ARAP2: variants seen among roughly 807,000 people sequenced by gnomAD.
ARAP2 encodes arf-GAP with Rho-GAP domain, ANK repeat and PH domain-containing protein 2.
A neutral mutation model predicts 194.5 loss-of-function variants in ARAP2; 148 were observed. That is an observed-to-expected ratio of 0.76 (90% confidence interval 0.67 to 0.87). ARAP2 has a LOEUF of 0.87. ARAP2 is among the 40% of genes least tolerant of loss of function. The probability of loss-of-function intolerance (pLI) is 0.00; values close to 1 mark genes in which losing one functional copy is unlikely to be tolerated. For missense variants in ARAP2, 2,128 were observed against 1,989.7 expected (o/e 1.07, Z -1.32); for synonymous variants, 695 against 683.5 (o/e 1.02, Z -0.26).
At chr4:36,084,326 T>G (rs1231282800) in intron 28 of ARAP2, among the ~76,000 whole-genome samples, 1 of 152,122 alleles carries the variant, frequency 6.6e-6, no homozygotes, top group Non-Finnish European at 1.5e-5. Context: ...ATATGCCATA[T>G]GTTTTGTAAC....
chr4:36,140,957 T>C (rs1464625909), intron 19 of ARAP2, among the ~76,000 whole-genome samples: 2 of 151,666 alleles, frequency 1.3e-5, no homozygotes, highest in Admixed American at 1.3e-4. Flanking sequence ...CTGTGTTTAT[T>C]AGAACCAACA....
intron 15 of ARAP2, among the ~76,000 whole-genome samples, chr4:36,157,047 G>A (rs945775471): frequency 2.6e-5 from 4 of 152,030 alleles, no homozygotes; most frequent in Non-Finnish European, 5.9e-5. Flanking sequence ...TATTAAAGAA[G>A]ACTAGTAATT....
chr4:36,072,667 C>CA (rs34942520), intron 32 of ARAP2, among the ~76,000 whole-genome samples: 57,208 of 128,306 alleles, frequency 0.45, 11,640 homozygotes, highest in East Asian at 0.59. Flanking sequence ...TAAAAAAAAA[C>CA]AAAAAAAAAA....
chr4:36,206,541 T>C (rs1745571968), intron 6 of ARAP2, among the ~76,000 whole-genome samples: 1 of 152,236 alleles, frequency 6.6e-6, no homozygotes. Flanking sequence ...CTTATCCGTT[T>C]TGCAAAGGGC....
intron 5 of ARAP2, among the ~76,000 whole-genome samples, chr4:36,029,252 T>G (rs1258623455): frequency 6.6e-6 from 1 of 152,012 alleles, no homozygotes; most frequent in Non-Finnish European, 1.5e-5. Flanking sequence ...TCCTTATACC[T>G]TATATGTCTT....
chr4:36,028,538 T>C (rs967354606), intron 5 of ARAP2, among the ~76,000 whole-genome samples: 4 of 151,954 alleles, frequency 2.6e-5, no homozygotes, highest in African/African-American at 9.6e-5. Context: ...GTGGTTATTT[T>C]CCTATTCGAT....
chr4:36,188,642 G>A (rs1260807456), intron 7 of ARAP2, among the ~76,000 whole-genome samples: 1 of 152,042 alleles, frequency 6.6e-6, no homozygotes, highest in South Asian at 2.1e-4. Context: ...CATTATAGAA[G>A]GTCTGCAATA....
At chr4:36,167,472 G>C (rs1735548671) in intron 9 of ARAP2, among the ~76,000 whole-genome samples, 1 of 152,120 alleles carries the variant, frequency 6.6e-6, no homozygotes, top group Non-Finnish European at 1.5e-5. Flanking sequence ...AAAGGAAGAA[G>C]GTTACATGGA....
chr4:36,227,105 T>G (rs1750494925), intron 2 of ARAP2, among the ~76,000 whole-genome samples: 1 of 152,170 alleles, frequency 6.6e-6, no homozygotes, highest in Admixed American at 6.5e-5. Context: ...CAATGAGTGG[T>G]TAAGGAAGTG....
At chr4:36,145,424 G>A (rs1729409567) in intron 19 of ARAP2, among the ~76,000 whole-genome samples, 1 of 151,940 alleles carries the variant, frequency 6.6e-6, no homozygotes, top group Non-Finnish European at 1.5e-5. Flanking sequence ...AATTAACACA[G>A]AAACAGAAAA....
intron 1 of ARAP2, among the ~76,000 whole-genome samples, chr4:36,240,334 A>T (rs994753872): frequency 6.6e-6 from 1 of 152,168 alleles, no homozygotes; most frequent in African/African-American, 2.4e-5. Context: ...TATCACTGTA[A>T]ATCATTCTTC....
chr4:36,037,079 C>T (rs1720052834), intron 5 of ARAP2, among the ~76,000 whole-genome samples: 1 of 152,096 alleles, frequency 6.6e-6, no homozygotes, highest in Admixed American at 6.6e-5. Flanking sequence ...GTCTTTTCAC[C>T]TCATGGGTCT....
At chr4:36,058,301 T>C (rs1560336312) in intron 1 of ARAP2, among the ~76,000 whole-genome samples, 1 of 152,238 alleles carries the variant, frequency 6.6e-6, no homozygotes, top group Non-Finnish European at 1.5e-5. Flanking sequence ...AAACTAGCTA[T>C]AGTTAGTTTT....
At chr4:36,221,773 C>A (rs911994039) in intron 2 of ARAP2, among the ~76,000 whole-genome samples, 1 of 152,098 alleles carries the variant, frequency 6.6e-6, no homozygotes, top group African/African-American at 2.4e-5. Flanking sequence ...TAGCAACTTA[C>A]ATTTTCATTT....
chr4:36,192,345 G>A (rs1369509168), intron 7 of ARAP2, among the ~76,000 whole-genome samples: 1 of 151,890 alleles, frequency 6.6e-6, no homozygotes, highest in African/African-American at 2.4e-5. Context: ...CATTTTCATT[G>A]CATCAATAAC....
At chr4:36,084,350 T>A (rs926089513) in intron 28 of ARAP2, among the ~76,000 whole-genome samples, 1 of 152,100 alleles carries the variant, frequency 6.6e-6, no homozygotes, top group Non-Finnish European at 1.5e-5. Context: ...CCATCACCAA[T>A]GTTGACTGGG....
chr4:36,054,943 A>C (rs530675524), intron 2 of ARAP2, among the ~76,000 whole-genome samples: 15 of 152,300 alleles, frequency 9.8e-5, no homozygotes, highest in South Asian at 6.2e-4. Context: ...TCAGGAGTTT[A>C]TTTCTTTTGC....
rs985160663 is a variant in ARAP2, at chr4:36,184,591, G to C, written c.1678+2860C>G. On this transcript the variant is annotated intron_variant, in intron 8 of 32. Transcript: ENST00000303965. ...AACATGCACTTTTTAAACATGTGTG[G>C]ATTGGTACACTCTACTTAAATAAAA... Among the ~76,000 whole-genome samples the C allele has an allele frequency of 5.3e-5, 8 of 152,186 alleles. 1 individual carries two copies. Among genetic ancestry groups the C allele is most frequent in the Non-Finnish European group, 2.9e-5 (2 of 68,034 alleles).
chr4:36,043,854 AGGG>A (rs1365965333), intron 5 of ARAP2, among the ~76,000 whole-genome samples: 100 of 15,944 alleles, frequency 6.3e-3, no homozygotes, highest in East Asian at 0.011. Context: ...GGGGGAGGGG[AGGG>A]GGGAGGGGAA....
Sources: allele counts gnomAD v4.1 joint callset (sites outside exome capture counted in the v4.1 genomes callset), GRCh38; gene constraint gnomAD v4.1.1; transcripts MANE v1.5; gene names NCBI Gene and HGNC (gene_info 2026-07-23, HGNC 2026-07-21).